BCL6: variants seen among roughly 807,000 people sequenced by gnomAD.
BCL6 encodes B-cell lymphoma 6 protein.
BCL6 carries 7 observed loss-of-function variants against 59.5 expected under a neutral mutation model. That is an observed-to-expected ratio of 0.12 (90% confidence interval 0.07 to 0.22). The LOEUF (loss-of-function observed/expected upper bound fraction) is 0.22. Among genes scored for constraint, BCL6 ranks in the 10% least tolerant of loss-of-function variants. BCL6 has a pLI of 1.00. For missense variants in BCL6, 685 were observed against 939.4 expected (o/e 0.73, Z 3.54); for synonymous variants, 339 against 349.7 (o/e 0.97, Z 0.34).
intron 4 of BCL6, among the ~76,000 whole-genome samples, chr3:187,730,728 T>A (rs1200386963): frequency 6.6e-6 from 1 of 152,210 alleles, no homozygotes; most frequent in African/African-American, 2.4e-5. Flanking sequence ...GCAATGATGA[T>A]CTTGCCACCG....
At position 187,722,201 on chromosome 3, in the gene BCL6, G is replaced by C. The variant is rs2108552919; in HGVS notation, c.*257C>G. 1 of 375,758 alleles carries C rather than the reference G, an allele frequency of 2.7e-6. No homozygotes were observed. Among genetic ancestry groups the C allele is most frequent in the Admixed American group, 4.7e-5 (1 of 21,440 alleles). The allele number at this position is 375,758 out of a possible 1,614,324, so 23.3% of individuals were successfully genotyped here. A position where few individuals can be genotyped will look rare whatever the true frequency, so the allele number is the denominator to read the frequency against. On this transcript the variant is annotated 3_prime_UTR_variant, in exon 10 of 10. Coordinates refer to ENST00000406870, the MANE Select transcript of BCL6 (RefSeq NM_001706.5). ...GACATATAAAATGATTTTGCTTTTT[G>C]CTGACATGGTTCACCTTACACATAG...
chr3:187,738,117 G>A (rs566924288), intron 1 of BCL6, among the ~76,000 whole-genome samples: 3 of 152,302 alleles, frequency 2.0e-5, no homozygotes, highest in African/African-American at 7.2e-5. Context: ...TATAAATGGG[G>A]AAGGTCAGAC....
In BCL6 at chr3:187,729,267, A is replaced by G; in HGVS notation, c.1138T>C (p.Phe380Leu). 6.2e-7 allele frequency: 1 copy of G among 1,614,036 alleles called. No homozygotes were observed. ...PKACNWKKYK[F>L]IVLNSLNQNA... ...TGGTTGAGGCTGTTGAGCACGATGA[A>G]CTTGTATTTCTTCCAGTTGCAGGCT... is the stretch of plus-strand genomic sequence containing the variant. The change falls in exon 5 of 10, where the codon TTC (phenylalanine) becomes CTC (leucine). Residue 380 changes from phenylalanine (F) to leucine (L), a missense_variant. Coordinates refer to ENST00000406870, the MANE Select transcript of BCL6 (RefSeq NM_001706.5). The surrounding 1 kb of genome is among the most constrained non-coding windows in gnomAD (Gnocchi z 5.6).
At chr3:187,724,781 G>A (rs1718588401) in intron 9 of BCL6, 160 bp downstream of exon 9, 1 of 1,048,608 alleles carries the variant, frequency 9.5e-7, no homozygotes, top group Non-Finnish European at 1.4e-6. Flanking sequence ...CCAGATCTAG[G>A]TCTTCCAACC....
Position 187,729,152 on chromosome 3 carries a change from A to G in BCL6, c.1253T>C (p.Met418Thr). Residue 418 changes from methionine (M) to threonine (T), a missense_variant, in exon 5 of 10, where the codon ATG becomes ACG. Met to Thr is a moderately conservative substitution (Grantham distance 81, BLOSUM62 -1). Coordinates refer to ENST00000406870, the MANE Select transcript of BCL6 (RefSeq NM_001706.5). This position sits in a 1 kb window ranked among gnomAD's most constrained non-coding sequence, Gnocchi z 5.6. ...CTGGAGGTCAAGGTTCTCAGGCTCC[A>G]TGGGTGGCTGGCAGGCAGGTGGGGC... ...YTAPPACQPP[M>T]EPENLDLQSP... 6.2e-7 allele frequency: 1 copy of G among 1,607,706 alleles called. No individual in the cohort carries two copies. Among genetic ancestry groups the G allele is most frequent in the Non-Finnish European group, 8.5e-7 (1 of 1,175,836 alleles).
At chr3:187,741,587 C>T (rs1039343377) in intron 1 of BCL6, among the ~76,000 whole-genome samples, 6 of 152,124 alleles carry the variant, frequency 3.9e-5, no homozygotes, top group Admixed American at 1.3e-4. Flanking sequence ...CTGGTTTCCA[C>T]TGGGGCAAAG....
intron 1 of BCL6, among the ~76,000 whole-genome samples, chr3:187,745,142 A>T: frequency 6.6e-6 from 1 of 152,196 alleles, no homozygotes; most frequent in East Asian, 1.9e-4. Flanking sequence ...TAAATACATA[A>T]CAATCTATAT....
intron 1 of BCL6, among the ~76,000 whole-genome samples, chr3:187,742,329 A>G (rs773377690): frequency 9.9e-5 from 15 of 152,270 alleles, no homozygotes; most frequent in Admixed American, 4.6e-4. Flanking sequence ...CATTTACTCA[A>G]CCAATAACTG....
chr3:187,744,521 C>A (rs1226073838), intron 1 of BCL6, among the ~76,000 whole-genome samples: 1 of 152,144 alleles, frequency 6.6e-6, no homozygotes, highest in Non-Finnish European at 1.5e-5. Flanking sequence ...AGGAAGATCA[C>A]GGCTCTGAAA....
chr3:187,736,514 G>C (rs1475717196), intron 1 of BCL6: 1 of 152,114 alleles, frequency 6.6e-6, no homozygotes, highest in Non-Finnish European at 1.5e-5. Context: ...ATTTCCAGTC[G>C]CAGGCTTCTG....
chr3:187,726,393 C>T (rs1579806283), intron 7 of BCL6, among the ~76,000 whole-genome samples: 1 of 152,216 alleles, frequency 6.6e-6, no homozygotes, highest in Non-Finnish European at 1.5e-5. Context: ...AACAAATCAA[C>T]AGGCTTTTTT....
chr3:187,730,379 C>T (rs1453982349), intron 4 of BCL6, among the ~76,000 whole-genome samples: 1 of 152,250 alleles, frequency 6.6e-6, no homozygotes, highest in Non-Finnish European at 1.5e-5. Context: ...CCTTATCTCA[C>T]TTCACCCATG....
At chr3:187,744,807 A>T (rs568123318) in intron 1 of BCL6, among the ~76,000 whole-genome samples, 1 of 144,912 alleles carries the variant, frequency 6.9e-6, no homozygotes, top group African/African-American at 2.4e-5. Context: ...GCCAGGAGCG[A>T]CGGAGCAAGG....
chr3:187,744,171 A>T, intron 1 of BCL6, among the ~76,000 whole-genome samples: 1 of 152,270 alleles, frequency 6.6e-6, no homozygotes, highest in Non-Finnish European at 1.5e-5. Context: ...AGCCATTGGG[A>T]GCCAACACAG....
chr3:187,727,250 G>A (rs886318392), intron 6 of BCL6, among the ~76,000 whole-genome samples: 2 of 152,202 alleles, frequency 1.3e-5, no homozygotes, highest in Non-Finnish European at 2.9e-5. Flanking sequence ...TAAGTTTACA[G>A]TTTTATTTAC....
At chr3:187,741,792 C>A (rs1229822895) in intron 1 of BCL6, among the ~76,000 whole-genome samples, 2 of 152,212 alleles carry the variant, frequency 1.3e-5, no homozygotes, top group Non-Finnish European at 2.9e-5. Flanking sequence ...ATACGTCCTG[C>A]CACCGCCGGC....
At chr3:187,745,243 G>GA in intron 1 of BCL6, among the ~76,000 whole-genome samples, 167 bp downstream of exon 1, 1 of 151,944 alleles carries the variant, frequency 6.6e-6, no homozygotes, top group Admixed American at 6.6e-5. Flanking sequence ...TATATCAATA[G>GA]ATACACATAG....
chr3:187,745,151 A>T (rs183518014), intron 1 of BCL6, among the ~76,000 whole-genome samples: 5 of 152,182 alleles, frequency 3.3e-5, no homozygotes, highest in East Asian at 3.9e-4. Flanking sequence ...AACAATCTAT[A>T]TCCTATGGTG....
At chr3:187,745,172 GGGACTAATC>G in intron 1 of BCL6, among the ~76,000 whole-genome samples, 1 of 152,114 alleles carries the variant, frequency 6.6e-6, no homozygotes, top group East Asian at 1.9e-4. Context: ...GGAGAGACGT[GGGACTAATC>G]TTCGGCATTT....
Sources: gnomAD v4.1 joint callset for allele counts (sites outside exome capture counted in the v4.1 genomes callset) on GRCh38, gnomAD v4.1.1 for gene constraint, Gnocchi (gnomAD v3.1) non-coding constraint, MANE v1.5 for transcripts, NCBI Gene and HGNC (gene_info 2026-07-23, HGNC 2026-07-21) for gene names.